The following AMMECR1 variants were observed in gnomAD, a reference collection of about 807,000 sequenced individuals.
AMMECR1 encodes the protein nuclear protein AMMECR1.
AMMECR1 carries 3 observed loss-of-function variants against 22.5 expected under a neutral mutation model. The observed-to-expected ratio is 0.13, with a 90% CI of 0.06 to 0.35. The LOEUF (loss-of-function observed/expected upper bound fraction) is 0.35. AMMECR1 is among the 10% of genes least tolerant of loss of function. AMMECR1 has a pLI of 1.00. For synonymous variants in AMMECR1, 130 were observed against 116.7 expected (o/e 1.11, Z -0.74); for missense variants, 235 against 278.7 (o/e 0.84, Z 1.12).
intron 1 of AMMECR1, among the ~76,000 whole-genome samples, chrX:110,304,289 A>G (rs1296336497): frequency 8.9e-6 from 1 of 112,348 alleles, no homozygotes; most frequent in Non-Finnish European, 1.9e-5. Flanking sequence ...TAAAATTATT[A>G]TAATCCCTAG....
At chrX:110,383,221 G>A (rs1221992814) in intron 2 of AMMECR1, among the ~76,000 whole-genome samples, 1 of 110,897 alleles carries the variant, frequency 9.0e-6, no homozygotes. Context: ...AATATATGAG[G>A]GTCTTCTTCC....
chrX:110,277,659 T>C (rs1475263527), intron 1 of AMMECR1, among the ~76,000 whole-genome samples: 1 of 111,735 alleles, frequency 8.9e-6, no homozygotes, highest in Non-Finnish European at 1.9e-5. Context: ...TAGAAGAATA[T>C]AAAATGACTC....
chrX:110,406,081 T>C (rs1308997999), intron 2 of AMMECR1, among the ~76,000 whole-genome samples: 2 of 110,708 alleles, frequency 1.8e-5, no homozygotes, highest in African/African-American at 3.3e-5. Context: ...CCAAATTGGA[T>C]AGTAAGTTCT....
intron 2 of AMMECR1, among the ~76,000 whole-genome samples, chrX:110,233,669 G>T (rs765466149): frequency 8.9e-6 from 1 of 112,194 alleles, no homozygotes; most frequent in East Asian, 2.8e-4. Flanking sequence ...ATGCAAGGCT[G>T]GTTCAACATA....
intron 2 of AMMECR1, among the ~76,000 whole-genome samples, chrX:110,414,661 A>C (rs747742853): frequency 8.0e-5 from 9 of 112,704 alleles, no homozygotes; most frequent in African/African-American, 2.9e-4. Flanking sequence ...ATCTTGATGA[A>C]TTATTGTGAC....
chrX:110,428,801 T>C (rs1444907617), intron 1 of AMMECR1, among the ~76,000 whole-genome samples: 1 of 111,820 alleles, frequency 8.9e-6, no homozygotes, highest in Non-Finnish European at 1.9e-5. Flanking sequence ...CATCTGAGGG[T>C]CCTGGTGCAA....
intron 2 of AMMECR1, among the ~76,000 whole-genome samples, chrX:110,377,850 A>G (rs2068388113): frequency 9.2e-6 from 1 of 108,149 alleles, no homozygotes. Context: ...TCTACTAAAA[A>G]TACAAAAAAT....
intron 2 of AMMECR1, among the ~76,000 whole-genome samples, chrX:110,325,434 C>T (rs755712656): frequency 4.5e-5 from 5 of 112,137 alleles, no homozygotes; most frequent in African/African-American, 1.6e-4. Flanking sequence ...TCCCCTCTCC[C>T]TCACAGGGAG....
chrX:110,317,035 ACCTC>A (rs1013968049), intron 1 of AMMECR1, among the ~76,000 whole-genome samples: 1 of 111,495 alleles, frequency 9.0e-6, no homozygotes, highest in African/African-American at 3.3e-5. Flanking sequence ...GTTTTAAGAA[ACCTC>A]CCCCCTTCCC....
At chrX:110,277,495 C>T (rs1457865199) in intron 1 of AMMECR1, among the ~76,000 whole-genome samples, 1 of 110,543 alleles carries the variant, frequency 9.0e-6, no homozygotes, top group Non-Finnish European at 1.9e-5. Flanking sequence ...TGCAGCACAC[C>T]AACATGGCAC....
At chrX:110,305,809 T>A (rs1476430941) in intron 1 of AMMECR1, among the ~76,000 whole-genome samples, 1 of 109,791 alleles carries the variant, frequency 9.1e-6, no homozygotes, top group Non-Finnish European at 1.9e-5. Context: ...AAACCCCATC[T>A]CTACTGAAAA....
At chrX:110,292,282 C>T (rs1459282069) in intron 1 of AMMECR1, among the ~76,000 whole-genome samples, 2 of 112,122 alleles carry the variant, frequency 1.8e-5, no homozygotes, top group Non-Finnish European at 3.8e-5. Context: ...GGTACAACCA[C>T]TTTGGAAGAC....
intron 1 of AMMECR1, among the ~76,000 whole-genome samples, chrX:110,430,250 A>G (rs975935548): frequency 5.3e-5 from 6 of 112,922 alleles, no homozygotes; most frequent in African/African-American, 1.6e-4. Context: ...TGGAAGCCCA[A>G]TAAGAATTGT....
intron 5 of AMMECR1, 32 bp downstream of exon 5, chrX:110,200,922 G>T (rs775420960): frequency 9.4e-7 from 1 of 1,061,925 alleles, no homozygotes; most frequent in East Asian, 3.0e-5. Flanking sequence ...AAATGTACAG[G>T]TTAGCCTTGT....
intron 1 of AMMECR1, among the ~76,000 whole-genome samples, chrX:110,288,605 G>C (rs1203840447): frequency 3.6e-5 from 4 of 111,764 alleles, no homozygotes; most frequent in Non-Finnish European, 7.5e-5. Context: ...CATTAGAAAT[G>C]GTACAGCCCT....
chrX:110,331,397 A>G (rs781488752), intron 2 of AMMECR1, among the ~76,000 whole-genome samples: 1 of 108,374 alleles, frequency 9.2e-6, no homozygotes, highest in East Asian at 2.9e-4. Context: ...TCTGAGACAA[A>G]AACTTATTAT....
chrX:110,306,591 T>G (rs376323706), intron 1 of AMMECR1, among the ~76,000 whole-genome samples: 1 of 110,560 alleles, frequency 9.0e-6, no homozygotes, highest in Non-Finnish European at 1.9e-5. Context: ...CCGGAGTAGC[T>G]GGGATTACAG....
Position 110,216,533 on chromosome X carries a change from A to G in AMMECR1, c.684T>C (p.Asp228=). 1.7e-6 allele frequency: 2 copies of G among 1,203,589 alleles called. No homozygotes were observed. Among genetic ancestry groups the G allele is most frequent in the Non-Finnish European group, 2.2e-6 (2 of 889,022 alleles). ...SLLTNFEDVC[D]YLDWEVGVHG... ...ATAATCTTACCTCCCAGTCCAAATAATCACAGACATCTTCAAAGTTAGTGA... is the reference window on the plus strand; with the variant it reads ...ATAATCTTACCTCCCAGTCCAAATAGTCACAGACATCTTCAAAGTTAGTGA... Residue 228 remains aspartate (D), a synonymous_variant, in exon 3 of 6, where the codon GAT becomes GAC. Coordinates refer to ENST00000262844, the MANE Select transcript of AMMECR1 (RefSeq NM_015365.3).
chrX:110,327,304 G>A (rs2068101465), intron 2 of AMMECR1, among the ~76,000 whole-genome samples: 1 of 111,795 alleles, frequency 8.9e-6, no homozygotes, highest in African/African-American at 3.2e-5. Flanking sequence ...ACAATATTGG[G>A]ATGAACTGGC....
Sources: gnomAD v4.1 joint callset for allele counts (sites outside exome capture counted in the v4.1 genomes callset) on GRCh38, gnomAD v4.1.1 for gene constraint, MANE v1.5 for transcripts, NCBI Gene and HGNC (gene_info 2026-07-23, HGNC 2026-07-21) for gene names.